Variants in CDKN2B-AS1 observed in about 807,000 individuals in gnomAD.
CDKN2B-AS1 encodes the protein CDKN2B and CDKN2A antisense cis and trans regulatory RNA 1.
intron 4 of CDKN2B-AS1, among the ~76,000 whole-genome samples, chr9:22,106,515 C>T (rs573947317): frequency 6.6e-6 from 1 of 152,272 alleles, no homozygotes; most frequent in African/African-American, 2.4e-5. Flanking sequence ...CCGTGCCCAG[C>T]CCAAGTTGTC....
chr9:22,127,259 T>G (rs774449900), exon 5 of CDKN2B-AS1, among the ~76,000 whole-genome samples: 4 of 152,032 alleles, frequency 2.6e-5, no homozygotes, highest in Admixed American at 2.0e-4. Flanking sequence ...TTTTTGTAGT[T>G]TTGGTAGAGA....
intron 3 of CDKN2B-AS1, among the ~76,000 whole-genome samples, chr9:22,051,103 C>G (rs1434441456): frequency 2.0e-5 from 3 of 152,140 alleles, no homozygotes; most frequent in Non-Finnish European, 4.4e-5. Context: ...GTCCATTCAA[C>G]TGTAATTTCC....
intron 4 of CDKN2B-AS1, among the ~76,000 whole-genome samples, chr9:22,106,202 C>T (rs962881540): frequency 6.6e-6 from 1 of 152,158 alleles, no homozygotes; most frequent in African/African-American, 2.4e-5. Context: ...CCTGCCTCAG[C>T]CTCCTGAGTA....
chr9:22,056,618 C>A (rs1396927910), intron 4 of CDKN2B-AS1, among the ~76,000 whole-genome samples: 1 of 152,152 alleles, frequency 6.6e-6, no homozygotes, highest in Non-Finnish European at 1.5e-5. Flanking sequence ...ATCTTCTTGG[C>A]CACAGTTTCT....
chr9:22,083,091 G>T (rs1226533178), intron 4 of CDKN2B-AS1, among the ~76,000 whole-genome samples: 1 of 152,178 alleles, frequency 6.6e-6, no homozygotes, highest in Non-Finnish European at 1.5e-5. Context: ...CTAATAGCTT[G>T]TTATATGCCA....
At chr9:22,012,287 T>C (rs1828396389) in intron 1 of CDKN2B-AS1, 22 of 1,471,746 alleles carry the variant, frequency 1.5e-5, no homozygotes, top group Non-Finnish European at 2.0e-5. Context: ...GCGTCTGATA[T>C]TTGCCAGCAA....
intron 1 of CDKN2B-AS1, among the ~76,000 whole-genome samples, chr9:22,009,531 A>T (rs754594337): frequency 6.6e-6 from 1 of 152,264 alleles, no homozygotes; most frequent in Non-Finnish European, 1.5e-5. Context: ...CTGGATGTCC[A>T]GTAAAGCCAA....
At chr9:22,076,774 C>G (rs1440611028) in intron 4 of CDKN2B-AS1, among the ~76,000 whole-genome samples, 1 of 152,168 alleles carries the variant, frequency 6.6e-6, no homozygotes, top group Non-Finnish European at 1.5e-5. Context: ...CTCACTGCAA[C>G]CTCCACCTCC....
chr9:22,053,708 A>T (rs1202873076), intron 3 of CDKN2B-AS1, among the ~76,000 whole-genome samples: 1 of 152,144 alleles, frequency 6.6e-6, no homozygotes, highest in Admixed American at 6.5e-5. Flanking sequence ...TTTCTTATTA[A>T]CATAACTTCT....
chr9:22,113,980 G>A (rs984086981), intron 4 of CDKN2B-AS1, among the ~76,000 whole-genome samples: 2 of 152,124 alleles, frequency 1.3e-5, no homozygotes, highest in African/African-American at 2.4e-5. Context: ...CTCTTAAAAA[G>A]ACTCTATAGA....
intron 4 of CDKN2B-AS1, among the ~76,000 whole-genome samples, chr9:22,067,716 T>A (rs1312516532): frequency 6.6e-6 from 1 of 152,192 alleles, no homozygotes; most frequent in African/African-American, 2.4e-5. Context: ...TTGATTAAAC[T>A]CTTTTTTTTG....
chr9:22,020,405 G>A (rs933881520), intron 1 of CDKN2B-AS1, among the ~76,000 whole-genome samples: 5 of 152,158 alleles, frequency 3.3e-5, no homozygotes, highest in Admixed American at 6.5e-5. Context: ...TAATGGGATT[G>A]CTGGGTTGAA....
At chr9:22,068,663 C>T (rs779070487) in intron 4 of CDKN2B-AS1, among the ~76,000 whole-genome samples, 2 of 152,202 alleles carry the variant, frequency 1.3e-5, no homozygotes, top group African/African-American at 4.8e-5. Context: ...GTAAGATCAG[C>T]ATTGCATTAC....
At chr9:22,007,193 C>G (rs1310947779) in intron 1 of CDKN2B-AS1, among the ~76,000 whole-genome samples, 1 of 151,980 alleles carries the variant, frequency 6.6e-6, no homozygotes, top group Non-Finnish European at 1.5e-5. Context: ...AATCCCGTCT[C>G]TACTACAAAA....
chr9:22,073,103 C>T (rs1219066503), intron 4 of CDKN2B-AS1, among the ~76,000 whole-genome samples: 1 of 152,074 alleles, frequency 6.6e-6, no homozygotes, highest in Non-Finnish European at 1.5e-5. Context: ...ATTATTTTCT[C>T]TTATTAATTT....
At chr9:22,065,282 C>T (rs951692651) in intron 4 of CDKN2B-AS1, among the ~76,000 whole-genome samples, 9 of 152,204 alleles carry the variant, frequency 5.9e-5, no homozygotes, top group Non-Finnish European at 8.8e-5. Flanking sequence ...TTAAGGACAT[C>T]TTTAGCTCCT....
At chr9:22,067,754 T>A (rs1304178825) in intron 4 of CDKN2B-AS1, among the ~76,000 whole-genome samples, 2 of 152,224 alleles carry the variant, frequency 1.3e-5, no homozygotes, top group Non-Finnish European at 2.9e-5. Context: ...GCAAAGAGCC[T>A]AAAGTGTTTT....
At chr9:22,028,763 G>A (rs1822342527) in intron 1 of CDKN2B-AS1, among the ~76,000 whole-genome samples, 1 of 152,126 alleles carries the variant, frequency 6.6e-6, no homozygotes, top group Admixed American at 6.5e-5. Context: ...TGTATGGTTT[G>A]TGAAACATTT....
rs1466262462 is a variant in CDKN2B-AS1 at position 21,997,195 on chromosome 9, A to G, written n.29+2034A>G. ...CTGCAAACCTTTACAACATGTTACT[A>G]TACTGAATACTGTAGATAATTGTAA... On this transcript the variant is annotated intron_variant and non_coding_transcript_variant, in intron 1 of 4. Transcript: ENST00000650946. The surrounding 1 kb of genome is among the most constrained non-coding windows in gnomAD (Gnocchi z 4.8). Among the ~76,000 whole-genome samples, 1 of 152,212 alleles carries G rather than the reference A, an allele frequency of 6.6e-6. No individual in the cohort carries two copies. Among genetic ancestry groups the G allele is most frequent in the Non-Finnish European group, 1.5e-5 (1 of 68,040 alleles).
Sources: gnomAD v4.1 joint callset for allele counts (sites outside exome capture counted in the v4.1 genomes callset) on GRCh38, gnomAD v4.1.1 for gene constraint, Gnocchi (gnomAD v3.1) non-coding constraint, MANE v1.5 for transcripts, NCBI Gene and HGNC (gene_info 2026-07-23, HGNC 2026-07-21) for gene names.